The following ECE1 variants were observed in gnomAD, a reference collection of about 807,000 sequenced individuals.
ECE1 encodes endothelin-converting enzyme 1.
A neutral mutation model predicts 98.6 loss-of-function variants in ECE1; 35 were observed. The ratio of observed to expected loss-of-function variants is 0.35; its 90% CI spans 0.27 to 0.47. The LOEUF (loss-of-function observed/expected upper bound fraction) is 0.47. ECE1 is among the 20% of genes least tolerant of loss of function. ECE1 has a pLI of 1.00. For synonymous variants in ECE1, 394 were observed against 407.1 expected (o/e 0.97, Z 0.39); for missense variants, 814 against 1,025.3 (o/e 0.79, Z 2.81).
intron 1 of ECE1, among the ~76,000 whole-genome samples, chr1:21,310,660 C>A (rs938080329): frequency 2.0e-5 from 3 of 152,060 alleles, no homozygotes; most frequent in Non-Finnish European, 2.9e-5. Flanking sequence ...AGACCCCACC[C>A]GAGCTTCCAG....
intron 3 of ECE1, among the ~76,000 whole-genome samples, chr1:21,278,429 G>A (rs539369001): frequency 1.3e-5 from 2 of 152,372 alleles, no homozygotes; most frequent in African/African-American, 4.8e-5. Context: ...TGGGCAGCTG[G>A]ATCTGGAAGG....
chr1:21,293,059 G>T (rs1638249828), upstream of ECE1, among the ~76,000 whole-genome samples: 1 of 152,220 alleles, frequency 6.6e-6, no homozygotes, highest in Non-Finnish European at 1.5e-5. Context: ...GGGCATGTGG[G>T]TGGTGTAAGG....
At chr1:21,254,491 G>A (rs1163557743) in intron 8 of ECE1, among the ~76,000 whole-genome samples, 1 of 152,044 alleles carries the variant, frequency 6.6e-6, no homozygotes, top group African/African-American at 2.4e-5. Flanking sequence ...TGGAAGAAGA[G>A]AGCAGAAGCA....
At position 21,345,474 on chromosome 1, in the gene ECE1, G is replaced by A. The variant is rs144884969; in HGVS notation, c.-96C>T. On this transcript the variant is annotated 5_prime_UTR_variant, in exon 1 of 19. Coordinates refer to the ECE1 transcript ENST00000415912. The surrounding 1 kb of genome is among the most constrained non-coding windows in gnomAD (Gnocchi z 5.1). ...CTGCTCCCAGCCCAGCTGCTCGGAC[G>A]GCTCGGCTGCCTGGCCCAGGCGGCG... The A allele has an allele frequency of 5.4e-5, 62 of 1,139,642 alleles. No individual in the cohort carries two copies. The highest frequency in any genetic ancestry group is 6.4e-5 in the Non-Finnish European group (58 of 902,496). 70.6% of individuals were successfully genotyped at this position (1,139,642 alleles called of 1,614,324 possible).
In ECE1 at chr1:21,319,377, C is replaced by A. The variant is rs540419165; in HGVS notation, c.3+25999G>T. Among the ~76,000 whole-genome samples the A allele has an allele frequency of 6.6e-6, 1 of 152,088 alleles. No individual in the cohort carries two copies. The highest frequency in any genetic ancestry group is 1.5e-5 in the Non-Finnish European group (1 of 67,982). ...TAATAATCATAATCATAATCATAATCATAATCATAAAGTGGACTACGCAGG... is the reference window on the plus strand; with the variant it reads ...TAATAATCATAATCATAATCATAATAATAATCATAAAGTGGACTACGCAGG... On this transcript the variant is annotated intron_variant, in intron 1 of 18. Coordinates refer to the ECE1 transcript ENST00000415912. This position sits in a 1 kb window ranked among gnomAD's most constrained non-coding sequence, Gnocchi z 4.4.
At chr1:21,304,662 T>G (rs1387341496) in intron 1 of ECE1, among the ~76,000 whole-genome samples, 2 of 152,220 alleles carry the variant, frequency 1.3e-5, no homozygotes, top group African/African-American at 4.8e-5. Flanking sequence ...TGAGACTTAC[T>G]GGAAGGGCAC....
intron 9 of ECE1, 81 bp from the exon 10 acceptor site, chr1:21,245,184 G>GAA: frequency 7.6e-7 from 1 of 1,314,918 alleles, no homozygotes; most frequent in Non-Finnish European, 1.1e-6. Context: ...GCCCCTAGGG[G>GAA]GCTCTCAAAC....
At chr1:21,266,792 G>C (rs1022557629) in intron 4 of ECE1, 1 of 152,212 alleles carries the variant, frequency 6.6e-6, no homozygotes, top group Non-Finnish European at 1.5e-5. Context: ...TCGCAAAAGT[G>C]GCTGTGGCCA....
At chr1:21,309,291 C>T (rs540529365) in intron 1 of ECE1, among the ~76,000 whole-genome samples, 25 of 152,208 alleles carry the variant, frequency 1.6e-4, no homozygotes, top group Non-Finnish European at 3.1e-4. Flanking sequence ...AGACTGCTGG[C>T]GTTCAAACCC....
intron 1 of ECE1, among the ~76,000 whole-genome samples, chr1:21,323,028 A>G (rs1003524390): frequency 2.6e-5 from 4 of 152,168 alleles, no homozygotes; most frequent in Non-Finnish European, 5.9e-5. Context: ...CTGAGGACAC[A>G]GCTAAAAGCT....
At chr1:21,317,655 C>A (rs988776730) in intron 1 of ECE1, among the ~76,000 whole-genome samples, 3 of 152,218 alleles carry the variant, frequency 2.0e-5, no homozygotes, top group Non-Finnish European at 4.4e-5. Context: ...CCACACCCTC[C>A]CCTCTGTGAG....
Position 21,258,614 on chromosome 1 carries a change from C to A in ECE1, c.762+79G>T. 6.4e-7 allele frequency: 1 copy of A among 1,557,932 alleles called. No individual in the cohort carries two copies. The highest frequency in any genetic ancestry group is 8.8e-7 in the Non-Finnish European group (1 of 1,139,576). ...TCCCACCCAGGGCAAGCCCCTCTCC[C>A]ACCCCAGGTCCTGCTAAACTCAAAA... is the stretch of plus-strand genomic sequence containing the variant. On this transcript the variant is annotated intron_variant, in intron 6 of 18. Coordinates refer to ENST00000374893, the MANE Select transcript of ECE1 (RefSeq NM_001397.3). This position sits in a 1 kb window ranked among gnomAD's most constrained non-coding sequence, Gnocchi z 4.2.
intron 1 of ECE1, among the ~76,000 whole-genome samples, chr1:21,341,097 T>C (rs1487657794): frequency 6.6e-6 from 1 of 151,252 alleles, no homozygotes; most frequent in African/African-American, 2.4e-5. Flanking sequence ...TTTAATGCCA[T>C]GTGCTCAGGG....
chr1:21,304,586 C>T (rs1470259758), intron 1 of ECE1, among the ~76,000 whole-genome samples: 1 of 152,138 alleles, frequency 6.6e-6, no homozygotes, highest in Admixed American at 6.5e-5. Context: ...GATTTACATG[C>T]AGCTTCAAAA....
chr1:21,326,366 G>T (rs369195855), intron 1 of ECE1, among the ~76,000 whole-genome samples: 1 of 152,176 alleles, frequency 6.6e-6, no homozygotes, highest in East Asian at 1.9e-4. Flanking sequence ...GGGAGACCGT[G>T]GGGTGTGTGT....
At chr1:21,266,700 G>A (rs1402995566) in intron 4 of ECE1, 2 of 152,234 alleles carry the variant, frequency 1.3e-5, no homozygotes, top group African/African-American at 4.8e-5. Flanking sequence ...GCATGGCTGT[G>A]TGTGCATCTT....
Position 21,290,274 on chromosome 1 carries a change from C to T in ECE1, c.51+90G>A. ...CCGCGCCCCGCCCCGGCCTGGACAC[C>T]CGAGACCGAGACCGGCCCACGGAGC... On this transcript the variant is annotated intron_variant, in intron 1 of 18. Coordinates refer to ENST00000374893, the MANE Select transcript of ECE1 (RefSeq NM_001397.3). The surrounding 1 kb of genome is among the most constrained non-coding windows in gnomAD (Gnocchi z 7.3). 1.5e-6 allele frequency: 2 copies of T among 1,304,892 alleles called. No individual in the cohort carries two copies. Among genetic ancestry groups the T allele is most frequent in the Non-Finnish European group, 1.9e-6 (2 of 1,025,990 alleles). 80.8% of individuals were successfully genotyped at this position (1,304,892 alleles called of 1,614,324 possible).
In ECE1 at chr1:21,225,086, C is replaced by T. The variant is rs190517325; in HGVS notation, c.2040+164G>A. On this transcript the variant is annotated intron_variant, in intron 17 of 18. Transcript: ENST00000374893. The surrounding 1 kb of genome is among the most constrained non-coding windows in gnomAD (Gnocchi z 5.3). ...CCTGTGGTGGGGGAGCCTCCACGGT[C>T]GGCATCGCGATTGGTCCTCGCCACC... Among the ~76,000 whole-genome samples, 5 of 152,280 alleles carry T rather than the reference C, an allele frequency of 3.3e-5. No individual in the cohort carries two copies. The highest frequency in any genetic ancestry group is 1.9e-4 in the East Asian group (1 of 5,176).
At chr1:21,288,900 G>C (rs1043126248) in intron 2 of ECE1, among the ~76,000 whole-genome samples, 4 of 152,162 alleles carry the variant, frequency 2.6e-5, no homozygotes, top group Non-Finnish European at 5.9e-5. Flanking sequence ...CAGGTCTCAG[G>C]GGTGTTCCTG....
Sources: gnomAD v4.1 joint callset for allele counts (sites outside exome capture counted in the v4.1 genomes callset) on GRCh38, gnomAD v4.1.1 for gene constraint, Gnocchi (gnomAD v3.1) non-coding constraint, MANE v1.5 for transcripts, NCBI Gene and HGNC (gene_info 2026-07-23, HGNC 2026-07-21) for gene names.